The following LIMCH1 variants were observed in gnomAD, a reference collection of about 807,000 sequenced individuals.
LIMCH1 encodes LIM and calponin homology domains 1.
In LIMCH1, 113 loss-of-function variants were observed where a neutral mutation model predicts 176.5. The ratio of observed to expected loss-of-function variants is 0.64; its 90% CI spans 0.55 to 0.75. LIMCH1 has a LOEUF of 0.75. Ranked by LOEUF, LIMCH1 falls within the 30% of genes least tolerant of loss-of-function variation. The pLI is 0.00. For synonymous variants in LIMCH1, 619 were observed against 645.9 expected (o/e 0.96, Z 0.63); for missense variants, 1,674 against 1,814.9 (o/e 0.92, Z 1.41).
chr4:41,685,776 T>C lies in LIMCH1; in HGVS notation c.4034T>C (p.Leu1345Pro), dbSNP rs1349053535. 2.5e-6 allele frequency: 4 copies of C among 1,613,392 alleles called. No homozygotes were observed. The highest frequency in any genetic ancestry group is 3.4e-6 in the Non-Finnish European group (4 of 1,179,664). Reference protein sequence around the residue: ...HSSEDVKPKTLPLDKSINHQI... With the variant: ...HSSEDVKPKTPPLDKSINHQI... ...TCAGAAGATGTGAAGCCAAAAACCC[T>C]CCCGCTGGATAAAAGCATTAACCAT... The change falls in exon 28 of 32, where the codon CTC (leucine) becomes CCC (proline). Residue 1345 changes from leucine (L) to proline (P), a missense_variant. Leu to Pro is a moderately conservative substitution (Grantham distance 98). Transcript: ENST00000503057.
intron 1 of LIMCH1, among the ~76,000 whole-genome samples, chr4:41,442,382 C>T (rs965619453): frequency 3.3e-5 from 5 of 152,132 alleles, no homozygotes; most frequent in South Asian, 2.1e-4. Context: ...ATGCATTTTA[C>T]GAAAAACACA....
At chr4:41,361,532 G>C (rs551423621) in intron 1 of LIMCH1, among the ~76,000 whole-genome samples, 2 of 152,354 alleles carry the variant, frequency 1.3e-5, no homozygotes, top group East Asian at 3.9e-4. Flanking sequence ...CTGCGAGCAC[G>C]CATCCGCATA....
intron 1 of LIMCH1, among the ~76,000 whole-genome samples, chr4:41,553,985 CTGTGG>C (rs1224644940): frequency 6.6e-6 from 1 of 152,122 alleles, no homozygotes; most frequent in African/African-American, 2.4e-5. Flanking sequence ...TCAGGAGAAG[CTGTGG>C]TGTGGTGGCC....
intron 2 of LIMCH1, among the ~76,000 whole-genome samples, chr4:41,511,539 A>C (rs1242141593): frequency 6.6e-6 from 1 of 152,234 alleles, no homozygotes; most frequent in Non-Finnish European, 1.5e-5. Context: ...GGCACTACTC[A>C]TGAAGTTGGA....
chr4:41,687,772 G>T (rs963329120), intron 28 of LIMCH1, 68 bp from the exon 29 acceptor site: 35 of 892,774 alleles, frequency 3.9e-5, no homozygotes, highest in African/African-American at 5.1e-5. Flanking sequence ...AATCTAAAAT[G>T]TCTTTTTTTA....
At chr4:41,621,542 C>T (rs540710222) in intron 7 of LIMCH1, among the ~76,000 whole-genome samples, 1 of 151,814 alleles carries the variant, frequency 6.6e-6, no homozygotes, top group South Asian at 2.1e-4. Flanking sequence ...CACTCCGTCA[C>T]CCAAGCTGGG....
intron 3 of LIMCH1, among the ~76,000 whole-genome samples, chr4:41,532,499 C>T (rs918140970): frequency 7.9e-5 from 12 of 152,188 alleles, no homozygotes; most frequent in South Asian, 2.1e-4. Flanking sequence ...ACATCACACT[C>T]GGAAACCAGG....
intron 1 of LIMCH1, among the ~76,000 whole-genome samples, chr4:41,569,819 T>G (rs1416482746): frequency 2.6e-5 from 4 of 152,226 alleles, no homozygotes; most frequent in African/African-American, 9.6e-5. Context: ...TCAAATTCAC[T>G]TTAGTTCACT....
chr4:41,440,953 G>A (rs892770164), intron 1 of LIMCH1, among the ~76,000 whole-genome samples: 1 of 152,296 alleles, frequency 6.6e-6, no homozygotes, highest in African/African-American at 2.4e-5. Flanking sequence ...GGCAGAATAA[G>A]AAGTTTGGTC....
chr4:41,667,962 C>T (rs574676894), intron 21 of LIMCH1, among the ~76,000 whole-genome samples: 1 of 125,148 alleles, frequency 8.0e-6, no homozygotes, highest in African/African-American at 3.3e-5. Flanking sequence ...AAGACTTTGT[C>T]GCTACCAAAA....
chr4:41,524,436 T>TC lies in LIMCH1; in HGVS notation c.195_196insC (p.Val66ArgfsTer2). ...TGCTGAATGCTATAAAGCCAGGACT[T>TC]GTTAAAAAGATCAATAGATTGCCTA... On this transcript the variant is annotated frameshift_variant, in exon 3 of 27. Transcript: ENST00000313860. LOFTEE classifies it high-confidence loss of function. 1 of 1,613,936 alleles carries TC rather than the reference T, an allele frequency of 6.2e-7. No individual in the cohort carries two copies. Among genetic ancestry groups the TC allele is most frequent in the Admixed American group, 1.7e-5 (1 of 60,026 alleles).
chr4:41,379,284 T>G (rs932291751), intron 1 of LIMCH1, among the ~76,000 whole-genome samples: 135 of 152,326 alleles, frequency 8.9e-4, no homozygotes, highest in Middle Eastern at 3.4e-3. Context: ...CTCAGTACTT[T>G]GCTGGCTGTT....
chr4:41,643,983 T>C (rs2093942391), intron 14 of LIMCH1, among the ~76,000 whole-genome samples: 1 of 152,198 alleles, frequency 6.6e-6, no homozygotes, highest in Admixed American at 6.5e-5. Context: ...TGATATTTTT[T>C]TGGAAATGGA....
intron 1 of LIMCH1, among the ~76,000 whole-genome samples, chr4:41,390,598 A>G (rs977747779): frequency 6.6e-6 from 1 of 152,240 alleles, no homozygotes; most frequent in African/African-American, 2.4e-5. Flanking sequence ...TATTGTAAAC[A>G]TATCACTTTA....
chr4:41,635,731 TG>T (rs2093554544), intron 13 of LIMCH1, among the ~76,000 whole-genome samples: 1 of 152,342 alleles, frequency 6.6e-6, no homozygotes, highest in South Asian at 2.1e-4. Context: ...TGCTGGATGC[TG>T]GGGGTGATCT....
At chr4:41,444,186 G>A (rs1332025205) in intron 1 of LIMCH1, among the ~76,000 whole-genome samples, 2 of 151,954 alleles carry the variant, frequency 1.3e-5, no homozygotes, top group African/African-American at 4.8e-5. Context: ...TTATGTTCTG[G>A]CAGGTATTCT....
intron 2 of LIMCH1, among the ~76,000 whole-genome samples, chr4:41,599,282 T>G (rs891457599): frequency 6.6e-6 from 1 of 152,176 alleles, no homozygotes; most frequent in Non-Finnish European, 1.5e-5. Context: ...AGAAAAATGT[T>G]AAGTAAAGAT....
chr4:41,488,229 T>C (rs1405875169), intron 1 of LIMCH1, among the ~76,000 whole-genome samples: 3 of 152,188 alleles, frequency 2.0e-5, no homozygotes, highest in African/African-American at 4.8e-5. Context: ...TTAGAACCTT[T>C]CCAATCACTT....
At chr4:41,494,441 ATG>A (rs2071683615) in intron 1 of LIMCH1, 10 of 786,738 alleles carry the variant, frequency 1.3e-5, no homozygotes, top group Non-Finnish European at 2.1e-5. Context: ...AGTTATATAT[ATG>A]TACACACACA....
Sources: allele counts gnomAD v4.1 joint callset (sites outside exome capture counted in the v4.1 genomes callset), GRCh38; gene constraint gnomAD v4.1.1; transcripts MANE v1.5; gene names NCBI Gene and HGNC (gene_info 2026-07-23, HGNC 2026-07-21).